Variants in FXR1 observed in about 807,000 individuals in gnomAD.
FXR1 encodes FMR1 autosomal homolog 1, also known as RNA-binding protein FXR1.
Under a neutral mutation model 84.0 loss-of-function variants are expected in FXR1, and 15 were observed. The observed-to-expected ratio is 0.18, with a 90% CI of 0.12 to 0.27. The LOEUF (loss-of-function observed/expected upper bound fraction) is 0.27. Among genes scored for constraint, FXR1 ranks in the 10% least tolerant of loss-of-function variants. The pLI is 1.00. For synonymous variants in FXR1, 245 were observed against 250.7 expected, an observed-to-expected ratio of 0.98 and a Z score of 0.21; for missense variants, 480 against 774.4, an observed-to-expected ratio of 0.62 and a Z score of 4.51.
chr3:180,933,205 A>AC (rs1720138744), intron 1 of FXR1, 129 bp from the exon 2 acceptor site: 1 of 615,912 alleles, frequency 1.6e-6, no homozygotes, highest in Non-Finnish European at 2.9e-6. Context: ...TGGAAATCAA[A>AC]CTCACATCTG....
At chr3:180,944,396 C>G (rs1046390560) in intron 3 of FXR1, among the ~76,000 whole-genome samples, 1 of 151,754 alleles carries the variant, frequency 6.6e-6, no homozygotes, top group Non-Finnish European at 1.5e-5. Flanking sequence ...TCATGGCTCA[C>G]TGCAGCCTTG....
chr3:180,955,664 GTAA>G lies in FXR1; in HGVS notation c.880+1825_880+1827del, dbSNP rs1722676972. Reference sequence around the variant, plus strand: ...TGACTTAACTAAGGTTTCCTCACTTGTAAAAATGATTTGGCAGTGGGTTTGTGA... The same window carrying G: ...TGACTTAACTAAGGTTTCCTCACTTGAAATGATTTGGCAGTGGGTTTGTGA... On this transcript the variant is annotated intron_variant, in intron 9 of 16. Transcript: ENST00000357559. Among the ~76,000 whole-genome samples, 3 of 152,134 alleles carry G rather than the reference GTAA, an allele frequency of 2.0e-5. No homozygotes were observed. The South Asian group carries it at 6.2e-4, about 31-fold the overall frequency.
chr3:180,970,368 C>T lies in FXR1; in HGVS notation c.1603+10C>T, dbSNP rs1336953559. ...AATGAAAATGGGCTAGGTATGTAAG[C>T]ACTTAGGGAAGAGAAATATATATAT... is the stretch of plus-strand genomic sequence containing the variant. On this transcript the variant is annotated intron_variant, in intron 15 of 16. Coordinates refer to ENST00000357559, the MANE Select transcript of FXR1 (RefSeq NM_005087.4). 1.2e-6 allele frequency: 1 copy of T among 839,138 alleles called. No homozygotes were observed. The highest frequency in any genetic ancestry group is 2.9e-5 in the East Asian group (1 of 34,008). 52.0% of individuals were successfully genotyped at this position (839,138 alleles called of 1,614,324 possible).
At chr3:180,965,349 G>T (rs1158426052) in intron 13 of FXR1, among the ~76,000 whole-genome samples, 1 of 152,140 alleles carries the variant, frequency 6.6e-6, no homozygotes. Context: ...TTAAAAAAAC[G>T]ACTTTGAATC....
rs1046191260 is a variant in FXR1, at chr3:180,981,501, T to C, written c.*5209T>C. 1 of 152,074 alleles carries C rather than the reference T, an allele frequency of 6.6e-6. No homozygotes were observed. 9.4% of individuals were successfully genotyped at this position (152,074 alleles called of 1,614,324 possible). A position where few individuals can be genotyped will look rare whatever the true frequency, so the allele number is the denominator to read the frequency against. The stretch of plus-strand genomic sequence containing the variant: ...CACTTCTTACCAACAAAGCAGTTTT[T>C]ATACAGCACCTTAGGACTCATTTCT... On this transcript the variant is annotated 3_prime_UTR_variant, in exon 17 of 17. Transcript: ENST00000357559.
intron 10 of FXR1, among the ~76,000 whole-genome samples, chr3:180,958,169 A>G (rs939083461): frequency 6.6e-5 from 10 of 152,156 alleles, no homozygotes; most frequent in Admixed American, 5.9e-4. Context: ...AAAGATTTCT[A>G]TTTGATAATC....
intron 10 of FXR1, 99 bp from the exon 11 acceptor site, chr3:180,961,365 AAAGG>A: frequency 1.5e-5 from 4 of 268,982 alleles, no homozygotes; most frequent in South Asian, 7.5e-5. Flanking sequence ...AAAAAAAAAA[AAAGG>A]TGTGTGTGTG....
chr3:180,972,300 A>C (rs1713682360), intron 15 of FXR1, among the ~76,000 whole-genome samples: 1 of 152,136 alleles, frequency 6.6e-6, no homozygotes, highest in East Asian at 1.9e-4. Flanking sequence ...TAGAGAAAAT[A>C]CAGAAATTAG....
Position 180,926,508 on chromosome 3 carries a change from T to A in FXR1, c.52-6826T>A, listed in dbSNP as rs373448842. ...TATATATATATATATATATATATAT[T>A]TTTTTTTCTGGCCTTTTGTTGGCAT... On this transcript the variant is annotated intron_variant, in intron 1 of 16. Coordinates refer to ENST00000357559, the MANE Select transcript of FXR1 (RefSeq NM_005087.4). Among the ~76,000 whole-genome samples, 491 of 116,730 alleles carry A rather than the reference T, an allele frequency of 4.2e-3. 1 individual carries two copies. The highest frequency in any genetic ancestry group is 6.8e-3 in the Non-Finnish European group (345 of 50,450). 76.6% of individuals were successfully genotyped at this position (116,730 alleles called of 152,430 possible).
chr3:180,975,083 A>G (rs990158941), intron 15 of FXR1, among the ~76,000 whole-genome samples: 10 of 152,148 alleles, frequency 6.6e-5, no homozygotes, highest in African/African-American at 1.7e-4. Context: ...TTCTTGGGAA[A>G]GAGGAATTTA....
At chr3:180,963,312 A>G (rs1289681418) in intron 13 of FXR1, among the ~76,000 whole-genome samples, 1 of 152,136 alleles carries the variant, frequency 6.6e-6, no homozygotes, top group African/African-American at 2.4e-5. Flanking sequence ...TAATGAAGCA[A>G]AGCATGTTTT....
chr3:180,963,827 A>G (rs1712449050), intron 13 of FXR1, among the ~76,000 whole-genome samples: 2 of 152,088 alleles, frequency 1.3e-5, no homozygotes, highest in Non-Finnish European at 2.9e-5. Context: ...CCATTTTTCT[A>G]CATTTGGACT....
chr3:180,914,674 TC>T, intron 1 of FXR1: 3 of 641,204 alleles, frequency 4.7e-6, no homozygotes, highest in Non-Finnish European at 5.8e-6. Context: ...GAATCAAATG[TC>T]CCCATTTTGG....
chr3:180,940,654 G>A (rs375693008), intron 3 of FXR1, among the ~76,000 whole-genome samples: 7 of 151,158 alleles, frequency 4.6e-5, no homozygotes, highest in African/African-American at 1.5e-4. Context: ...TCGGCTCAGC[G>A]CAACCTCCGC....
intron 11 of FXR1, among the ~76,000 whole-genome samples, chr3:180,962,270 A>G (rs1712219402): frequency 6.6e-6 from 1 of 152,128 alleles, no homozygotes; most frequent in Non-Finnish European, 1.5e-5. Flanking sequence ...TGATAATGTC[A>G]TTTCTTTTCT....
chr3:180,952,828 C>CT (rs371547296), intron 8 of FXR1, among the ~76,000 whole-genome samples: 2,828 of 121,466 alleles, frequency 0.023, 59 homozygotes, highest in African/African-American at 0.052. Flanking sequence ...ATTTTATTTG[C>CT]TTTTTTTTTT....
chr3:180,942,050 G>C (rs957177337), intron 3 of FXR1, among the ~76,000 whole-genome samples: 3 of 152,062 alleles, frequency 2.0e-5, no homozygotes, highest in Non-Finnish European at 2.9e-5. Context: ...AAAATTCTCT[G>C]TCTTTGATAC....
rs577215153 is a variant in FXR1 at position 180,968,945 on chromosome 3, C to CTT, written c.1402+693_1402+694dup. On this transcript the variant is annotated intron_variant, in intron 14 of 16. Coordinates refer to ENST00000357559, the MANE Select transcript of FXR1 (RefSeq NM_005087.4). ...TACATAGACTATATTAAGGATATAA[C>CTT]TTTAACATATCATTATGGTATACCA... is the stretch of plus-strand genomic sequence containing the variant. Among the ~76,000 whole-genome samples the CTT allele has an allele frequency of 5.2e-3, 792 of 152,218 alleles. 4 individuals carry two copies. The highest frequency in any genetic ancestry group is 7.9e-3 in the Non-Finnish European group (537 of 67,996).
At chr3:180,940,065 G>C (rs1467800133) in intron 3 of FXR1, among the ~76,000 whole-genome samples, 7 of 152,156 alleles carry the variant, frequency 4.6e-5, no homozygotes, top group African/African-American at 1.7e-4. Context: ...TTTACATGAA[G>C]TTACAGCACA....
Sources: allele counts gnomAD v4.1 joint callset (sites outside exome capture counted in the v4.1 genomes callset), GRCh38; gene constraint gnomAD v4.1.1; transcripts MANE v1.5; gene names NCBI Gene and HGNC (gene_info 2026-07-23, HGNC 2026-07-21).